The following ODAPH variants were observed in gnomAD, a reference collection of about 807,000 sequenced individuals.
ODAPH encodes amelogenesis imperfecta type IIA4.
ODAPH carries 2 observed loss-of-function variants against 2.8 expected under a neutral mutation model. That is an observed-to-expected ratio of 0.72 (90% CI 0.30 to 2.28). The LOEUF is 2.28. Among genes scored for constraint, ODAPH ranks in the 30% most tolerant of loss-of-function variants. The probability of loss-of-function intolerance (pLI) is 0.13; values close to 1 mark genes in which losing one functional copy is unlikely to be tolerated. For synonymous variants in ODAPH, 75 were observed against 60.3 expected (o/e 1.24, Z -1.13); for missense variants, 159 against 163.3 (o/e 0.97, Z 0.14).
chr4:75,564,575 C>A lies in ODAPH; in HGVS notation c.*136C>A. 2 of 1,540,476 alleles carry A rather than the reference C, an allele frequency of 1.3e-6. No individual in the cohort carries two copies. Among genetic ancestry groups the A allele is most frequent in the Non-Finnish European group, 1.7e-6 (2 of 1,145,174 alleles). On this transcript the variant is annotated 3_prime_UTR_variant, in exon 2 of 2. Coordinates refer to ENST00000311623, the MANE Select transcript of ODAPH (RefSeq NM_178497.5). Reference sequence around the variant, plus strand: ...GATTAAGTATCCTAAACATCACTGACTAGAAACTGTTCTCTTTGTCAGCAG... The same window carrying A: ...GATTAAGTATCCTAAACATCACTGAATAGAAACTGTTCTCTTTGTCAGCAG...
downstream of ODAPH, chr4:75,565,617 G>A (rs1376921907): frequency 6.6e-6 from 1 of 152,176 alleles, no homozygotes; most frequent in Admixed American, 6.5e-5. Flanking sequence ...TGGCCACTCT[G>A]TAAAACACAT....
At chr4:75,557,268 G>A (rs955065701) in intron 1 of ODAPH, among the ~76,000 whole-genome samples, 1 of 152,152 alleles carries the variant, frequency 6.6e-6, no homozygotes, top group Admixed American at 6.5e-5. Context: ...AAAGTGAACC[G>A]CTCTTCAGGA....
At chr4:75,557,012 G>A (rs28391812) in intron 1 of ODAPH, among the ~76,000 whole-genome samples, 15,320 of 152,050 alleles carry the variant, frequency 0.1, 864 homozygotes, top group South Asian at 0.21. Flanking sequence ...CAGATTCCCC[G>A]TTCCCATCCC....
rs753684620 is a variant in ODAPH at position 75,556,134 on chromosome 4, G to A, written c.52G>A (p.Val18Ile). 6.2e-7 allele frequency: 1 copy of A among 1,614,148 alleles called. No individual in the cohort carries two copies. The highest frequency in any genetic ancestry group is 1.1e-5 in the South Asian group (1 of 91,080). The change falls in exon 1 of 2, where the codon GTA (valine) becomes ATA (isoleucine). Residue 18 changes from valine (V) to isoleucine (I), a missense_variant. Physicochemically the swap from Val to Ile is conservative, Grantham distance 29 (BLOSUM62 3). Coordinates refer to ENST00000311623, the MANE Select transcript of ODAPH (RefSeq NM_178497.5). ...SYWLLVCWLVVTVAEGQEEVF... is the reference protein window; with the variant it reads ...SYWLLVCWLVITVAEGQEEVF... ...CTGGTTACTGGTATGCTGGTTGGTG[G>A]TAACTGTGGCAGAAGGTAAGGGTTT...
chr4:75,558,512 TAA>T (rs35726140), intron 1 of ODAPH, among the ~76,000 whole-genome samples: 6 of 140,832 alleles, frequency 4.3e-5, no homozygotes, highest in African/African-American at 1.0e-4. Context: ...TAGGTAATTA[TAA>T]AAAAAAAAAA....
chr4:75,557,153 C>A (rs1429961885), intron 1 of ODAPH, among the ~76,000 whole-genome samples: 1 of 152,166 alleles, frequency 6.6e-6, no homozygotes, highest in African/African-American at 2.4e-5. Context: ...TGAACAAAAC[C>A]TGCCCCCATA....
At position 75,564,276 on chromosome 4, in the gene ODAPH, G is replaced by A. The variant is rs149011730; in HGVS notation, c.230G>A (p.Arg77Gln). Residue 77 changes from arginine to glutamine, a missense_variant, in exon 2 of 2, where the codon CGA becomes CAA. Arg to Gln is a conservative substitution (Grantham distance 43). Coordinates refer to ENST00000311623, the MANE Select transcript of ODAPH (RefSeq NM_178497.5). ...TPRCPFHFFP[R>Q]RPRIHFRFPN... is the part of the protein sequence containing the mutation. ...AGGTGTCCCTTCCATTTTTTTCCACGAAGGCCCAGAATCCATTTTAGGTTT... is the reference window on the plus strand; with the variant it reads ...AGGTGTCCCTTCCATTTTTTTCCACAAAGGCCCAGAATCCATTTTAGGTTT... 13 of 1,613,950 alleles carry A rather than the reference G, an allele frequency of 8.1e-6. No individual in the cohort carries two copies. Among genetic ancestry groups the A allele is most frequent in the African/African-American group, 2.7e-5 (2 of 74,878 alleles).
At chr4:75,561,129 C>T (rs1727552572) in intron 1 of ODAPH, among the ~76,000 whole-genome samples, 2 of 146,822 alleles carry the variant, frequency 1.4e-5, no homozygotes, top group African/African-American at 5.1e-5. Flanking sequence ...GAGGCTGAGG[C>T]AGGAGAATGG....
chr4:75,560,709 C>T (rs1269165960), intron 1 of ODAPH, among the ~76,000 whole-genome samples: 2 of 152,170 alleles, frequency 1.3e-5, no homozygotes, highest in African/African-American at 4.8e-5. Context: ...CACTACTGGA[C>T]ATCCCAGAGT....
chr4:75,556,665 GTTTC>G (rs1727350011), intron 1 of ODAPH: 4 of 1,033,696 alleles, frequency 3.9e-6, no homozygotes, highest in Non-Finnish European at 5.7e-6. Flanking sequence ...GTGGGCACAG[GTTTC>G]TTTCTTTAGG....
intron 1 of ODAPH, among the ~76,000 whole-genome samples, chr4:75,563,885 T>C (rs1727698591): frequency 1.3e-5 from 2 of 152,228 alleles, no homozygotes; most frequent in African/African-American, 4.8e-5. Context: ...GAACAAGTCT[T>C]TTTATAGACA....
At chr4:75,560,353 C>A (rs1181930530) in intron 1 of ODAPH, among the ~76,000 whole-genome samples, 2 of 152,060 alleles carry the variant, frequency 1.3e-5, no homozygotes, top group African/African-American at 4.8e-5. Flanking sequence ...GAGAAGATAG[C>A]AAAGGTTTAG....
chr4:75,563,649 T>A (rs1727685535), intron 1 of ODAPH, among the ~76,000 whole-genome samples: 1 of 152,224 alleles, frequency 6.6e-6, no homozygotes, highest in South Asian at 2.1e-4. Flanking sequence ...GTTTTTGAAC[T>A]TCATATAAAG....
intron 1 of ODAPH, among the ~76,000 whole-genome samples, chr4:75,562,586 C>A (rs1727624410): frequency 6.6e-6 from 1 of 152,134 alleles, no homozygotes; most frequent in South Asian, 2.1e-4. Context: ...GTGATCCGCC[C>A]ACCTCGGCCT....
At chr4:75,561,065 A>T (rs562093798) in intron 1 of ODAPH, among the ~76,000 whole-genome samples, 196 of 152,174 alleles carry the variant, frequency 1.3e-3, no homozygotes, top group African/African-American at 3.9e-3. Context: ...AAAGTATTTT[A>T]AAAAAAGAAT....
Position 75,564,317 on chromosome 4 carries a change from G to A in ODAPH, c.271G>A (p.Val91Ile), listed in dbSNP as rs531246901. 22 of 1,613,966 alleles carry A rather than the reference G, an allele frequency of 1.4e-5. No individual in the cohort carries two copies. Among genetic ancestry groups the A allele is most frequent in the Non-Finnish European group, 1.6e-5 (19 of 1,180,020 alleles). ...IHFRFPNRPF[V>I]PSRCNHRFPF... Reference sequence around the variant, plus strand: ...TTTTAGGTTTCCAAACAGACCTTTCGTCCCTTCAAGGTGTAACCACCGTTT... The same window carrying A: ...TTTTAGGTTTCCAAACAGACCTTTCATCCCTTCAAGGTGTAACCACCGTTT... The change falls in exon 2 of 2, where the codon GTC becomes ATC. Residue 91 changes from valine (V) to isoleucine (I), a missense_variant. By Grantham distance (29) the Val-to-Ile change is conservative. Transcript: ENST00000311623.
At position 75,564,666 on chromosome 4, in the gene ODAPH, C is replaced by G. The variant is rs1727745237; in HGVS notation, c.*227C>G. 1 of 827,914 alleles carries G rather than the reference C, an allele frequency of 1.2e-6. No individual in the cohort carries two copies. The highest frequency in any genetic ancestry group is 1.7e-5 in the African/African-American group (1 of 57,942). The allele number at this position is 827,914 out of a possible 1,614,324, so 51.3% of individuals were successfully genotyped here. A position where few individuals can be genotyped will look rare whatever the true frequency, so the allele number is the denominator to read the frequency against. ...GGACAATAACCACGTTATTTTTATCCTCAACCTCTTATGGTCACAGGATAT... is the reference window on the plus strand; with the variant it reads ...GGACAATAACCACGTTATTTTTATCGTCAACCTCTTATGGTCACAGGATAT... On this transcript the variant is annotated 3_prime_UTR_variant, in exon 2 of 2. Transcript: ENST00000311623.
intron 1 of ODAPH, chr4:75,556,625 T>A (rs1365130656): frequency 6.8e-7 from 1 of 1,463,356 alleles, no homozygotes; most frequent in Admixed American, 2.0e-5. Context: ...ATTAATCACA[T>A]CTATTGAGCT....
At position 75,564,809 on chromosome 4, in the gene ODAPH, T is replaced by C; in HGVS notation, c.*370T>C. 2.4e-6 allele frequency: 1 copy of C among 415,616 alleles called. No homozygotes were observed. The highest frequency in any genetic ancestry group is 4.4e-6 in the Non-Finnish European group (1 of 229,256). 25.7% of individuals were successfully genotyped at this position (415,616 alleles called of 1,614,324 possible). On this transcript the variant is annotated 3_prime_UTR_variant, in exon 2 of 2. Coordinates refer to ENST00000311623, the MANE Select transcript of ODAPH (RefSeq NM_178497.5). ...GGATTTAAATAAATTGAGATCATTA[T>C]AAACCACACGAAGAAACTGATGACA... is the stretch of plus-strand genomic sequence containing the variant.
Sources: gnomAD v4.1 joint callset for allele counts (sites outside exome capture counted in the v4.1 genomes callset) on GRCh38, gnomAD v4.1.1 for gene constraint, MANE v1.5 for transcripts, NCBI Gene and HGNC (gene_info 2026-07-23, HGNC 2026-07-21) for gene names.